Variants in ATG3 observed in about 807,000 individuals in gnomAD.
ATG3 encodes the protein autophagy related 3, also known as ubiquitin-like-conjugating enzyme ATG3.
ATG3 carries 25 observed loss-of-function variants against 50.7 expected under a neutral mutation model. That is an observed-to-expected ratio of 0.49 (90% confidence interval 0.36 to 0.69). The LOEUF (loss-of-function observed/expected upper bound fraction) is 0.69, where lower values mean the gene tolerates loss of function less well. ATG3 is among the 30% of genes least tolerant of loss of function. The pLI is 0.00. For synonymous variants in ATG3, 119 were observed against 125.5 expected, an observed-to-expected ratio of 0.95 and a Z score of 0.34; for missense variants, 281 against 376.0, an observed-to-expected ratio of 0.75 and a Z score of 2.09.
At position 112,537,793 on chromosome 3, in the gene ATG3, T is replaced by G. The variant is rs1933110356; in HGVS notation, c.608A>C (p.Tyr203Ser). 1 of 1,611,808 alleles carries G rather than the reference T, an allele frequency of 6.2e-7. No homozygotes were observed. The highest frequency in any genetic ancestry group is 8.5e-7 in the Non-Finnish European group (1 of 1,179,358). Residue 203 changes from tyrosine (Y) to serine (S), a missense_variant, in exon 9 of 12, where the codon TAC becomes TCC. Transcript: ENST00000283290. ...CTGGTAATATTTATCATAAGTGATG[T>G]AAAGGTCATAAGTTCTGGTTTGCAA... ...AILQTRTYDL[Y>S]ITYDKYYQTP...
At chr3:112,561,380 G>C in intron 1 of ATG3, 77 bp downstream of exon 1, 3 of 1,469,654 alleles carry the variant, frequency 2.0e-6, no homozygotes, top group Non-Finnish European at 2.8e-6. Flanking sequence ...CGGAGAAAGC[G>C]GGGACTCCTG....
intron 5 of ATG3, among the ~76,000 whole-genome samples, chr3:112,544,985 CTGTT>C (rs1933335059): frequency 1.3e-5 from 2 of 152,116 alleles, no homozygotes; most frequent in African/African-American, 4.8e-5. Context: ...GATACTCAAT[CTGTT>C]TGTTATTTGC....
intron 3 of ATG3, among the ~76,000 whole-genome samples, chr3:112,552,388 TTAAAA>T (rs974005972): frequency 6.6e-5 from 10 of 151,846 alleles, no homozygotes; most frequent in African/African-American, 2.4e-4. Flanking sequence ...ACCTTAGTAA[TTAAAA>T]TAAAAGGTAT....
chr3:112,540,491 T>C (rs1933196230), intron 7 of ATG3, among the ~76,000 whole-genome samples: 1 of 152,198 alleles, frequency 6.6e-6, no homozygotes, highest in African/African-American at 2.4e-5. Context: ...TTTACATATA[T>C]AAATATATTC....
At chr3:112,560,231 A>G (rs1463345547) in intron 1 of ATG3, among the ~76,000 whole-genome samples, 1 of 152,248 alleles carries the variant, frequency 6.6e-6, no homozygotes, top group Non-Finnish European at 1.5e-5. Context: ...TAGATATGAT[A>G]TTCTGAAAAG....
At position 112,532,770 on chromosome 3, in the gene ATG3, T is replaced by C; in HGVS notation, c.874A>G (p.Ile292Val). ...ACAGCTTGTACAAATTTCAAGAAAA[T>C]AAGAAGATACCTAAAGGTTTTTAGC... The part of the protein sequence containing the change: ...GELGVHMYLL[I>V]FLKFVQAVIP... Residue 292 changes from isoleucine (I) to valine (V), a missense_variant, in exon 12 of 12, where the codon ATT (isoleucine) becomes GTT (valine). Ile to Val is a conservative substitution (Grantham distance 29, BLOSUM62 3). This residue lies in a region of ATG3 where 242 missense variants were observed against 305.0 expected (regional missense o/e 0.79). Transcript: ENST00000283290. 1.3e-6 allele frequency: 2 copies of C among 1,595,656 alleles called. No individual in the cohort carries two copies. The highest frequency in any genetic ancestry group is 1.7e-6 in the Non-Finnish European group (2 of 1,171,220).
intron 7 of ATG3, among the ~76,000 whole-genome samples, chr3:112,540,242 G>A (rs1933188894): frequency 6.6e-6 from 1 of 152,176 alleles, no homozygotes; most frequent in Non-Finnish European, 1.5e-5. Context: ...AGGTTTCATG[G>A]GGAATTGAAA....
intron 1 of ATG3, among the ~76,000 whole-genome samples, chr3:112,559,936 G>A (rs1027323593): frequency 5.9e-5 from 9 of 152,100 alleles, no homozygotes; most frequent in African/African-American, 1.9e-4. Context: ...CTTTCTCCTT[G>A]CCCTCCCTAA....
rs2399431 is a variant in ATG3 at position 112,561,859 on chromosome 3, C to G, written c.-331G>C. 313,644 of 319,256 alleles carry G rather than the reference C, an allele frequency of 0.98. 154,108 individuals carry two copies. The highest frequency in any genetic ancestry group is 0.99 in the Admixed American group (17,985 of 18,122). The allele number at this position is 319,256 out of a possible 1,614,324, so 19.8% of individuals were successfully genotyped here. A position where few individuals can be genotyped will look rare whatever the true frequency, so the allele number is the denominator to read the frequency against. On this transcript the variant is annotated 5_prime_UTR_variant, in exon 1 of 12. Transcript: ENST00000283290. ...ACGCACACGCACCCCTCGCCCTCTG[C>G]GAGCTGTCTGTCCTCGCTTTGCTTC...
intron 8 of ATG3, 74 bp from the exon 9 acceptor site, chr3:112,537,964 T>C (rs992547379): frequency 2.1e-6 from 3 of 1,408,828 alleles, no homozygotes; most frequent in Non-Finnish European, 2.9e-6. Context: ...AACTTATTTT[T>C]TCCATTCTAT....
chr3:112,537,727 A>T lies in ATG3; in HGVS notation c.666+8T>A. On this transcript the variant is annotated splice_region_variant and intron_variant, in intron 9 of 11. Transcript: ENST00000283290. ...TTGATATTAAAATATAATGCTTTTC[A>T]TTTTTACCTCATCATAGCCAAACAA... The T allele has an allele frequency of 6.5e-7, 1 of 1,540,324 alleles. No individual in the cohort carries two copies.
rs1239197130 is a variant in ATG3 at position 112,561,651 on chromosome 3, C to T, written c.-123G>A. On this transcript the variant is annotated 5_prime_UTR_variant, in exon 1 of 12. Coordinates refer to ENST00000283290, the MANE Select transcript of ATG3 (RefSeq NM_022488.5). ...GCATCAGCACCCGGCTGGCAGCACC[C>T]GAGGGGACGGGACGCGACGCGACGG... 4.0e-6 allele frequency: 4 copies of T among 1,003,644 alleles called. No homozygotes were observed. In the African/African-American group the frequency reaches 6.6e-5, roughly 17 times the overall value. The allele number at this position is 1,003,644 out of a possible 1,614,324, so 62.2% of individuals were successfully genotyped here.
At chr3:112,552,424 A>C (rs1015991259) in intron 3 of ATG3, among the ~76,000 whole-genome samples, 1 of 152,000 alleles carries the variant, frequency 6.6e-6, no homozygotes, top group African/African-American at 2.4e-5. Flanking sequence ...TAAAAACTTA[A>C]AGCCTCTTAA....
chr3:112,559,009 G>A (rs1933763565), intron 1 of ATG3, among the ~76,000 whole-genome samples: 1 of 152,194 alleles, frequency 6.6e-6, no homozygotes, highest in African/African-American at 2.4e-5. Context: ...AATGTGCTGG[G>A]ATTACAGGCG....
intron 7 of ATG3, 114 bp downstream of exon 7, chr3:112,541,689 T>A (rs559239628): frequency 2.1e-4 from 178 of 859,232 alleles, no homozygotes; most frequent in Non-Finnish European, 3.1e-4. Flanking sequence ...AAACACTCAC[T>A]AGGCTGCTAA....
Position 112,558,372 on chromosome 3 carries a change from T to C in ATG3, c.114+4A>G. ...AAAGACTTCAGTATATCTTCAGCAC[T>C]CACCTCTTCTGGGGTAATTACACCT... On this transcript the variant is annotated splice_donor_region_variant and intron_variant, in intron 2 of 11. Transcript: ENST00000283290. 6.2e-7 allele frequency: 1 copy of C among 1,602,524 alleles called. No homozygotes were observed. Among genetic ancestry groups the C allele is most frequent in the Non-Finnish European group, 8.5e-7 (1 of 1,170,654 alleles).
chr3:112,536,543 C>A lies in ATG3; in HGVS notation c.726G>T (p.Lys242Asn). 6.2e-6 allele frequency: 10 copies of A among 1,614,018 alleles called. No individual in the cohort carries two copies. Among genetic ancestry groups the A allele is most frequent in the Non-Finnish European group, 7.6e-6 (9 of 1,179,892 alleles). Residue 242 changes from lysine to asparagine, a missense_variant, in exon 10 of 12, where the codon AAG (lysine) becomes AAT (asparagine). By Grantham distance (94) the Lys-to-Asn change is moderately conservative (BLOSUM62 0). This residue lies in a region of ATG3 where 242 missense variants were observed against 305.0 expected (regional missense o/e 0.79). Coordinates refer to ENST00000283290, the MANE Select transcript of ATG3 (RefSeq NM_022488.5). ...MYEDISQDHV[K>N]KTVTIENHPH... ...GGTGATTTTCAATGGTCACTGTTTT[C>A]TTCACATGATCCTGACTGATGTCTT...
chr3:112,548,426 G>T, intron 5 of ATG3, 107 bp downstream of exon 5: 1 of 992,412 alleles, frequency 1.0e-6, no homozygotes, highest in Non-Finnish European at 1.5e-6. Flanking sequence ...AGTCTATTGG[G>T]ACAAAACTAT....
chr3:112,547,341 C>A (rs981861429), intron 5 of ATG3, among the ~76,000 whole-genome samples: 1 of 151,512 alleles, frequency 6.6e-6, no homozygotes, highest in African/African-American at 2.4e-5. Context: ...GGGAGAAAAA[C>A]ATATTTAGTA....
Sources: gnomAD v4.1 joint callset for allele counts (sites outside exome capture counted in the v4.1 genomes callset) on GRCh38, gnomAD v4.1.1 for gene constraint, gnomAD v4.1.1 regional missense constraint, MANE v1.5 for transcripts, NCBI Gene and HGNC (gene_info 2026-07-23, HGNC 2026-07-21) for gene names.